The following RPS4X variants were observed in gnomAD, a reference collection of about 807,000 sequenced individuals.
RPS4X encodes the protein ribosomal protein S4 X-linked.
For missense variants in RPS4X, 90 were observed against 219.1 expected (o/e 0.41, Z 3.72); for synonymous variants, 76 against 76.8 (o/e 0.99, Z 0.06).
chrX:72,277,159 T>C, intron 1 of RPS4X, 34 bp downstream of exon 1: 1 of 1,208,599 alleles, frequency 8.3e-7, no homozygotes, highest in Non-Finnish European at 1.1e-6. Flanking sequence ...TGGAGGCGGA[T>C]ACGTCCTAAG....
At chrX:72,274,087 T>G in intron 4 of RPS4X, 115 bp from the exon 5 acceptor site, 2 of 649,007 alleles carry the variant, frequency 3.1e-6, no homozygotes, top group Non-Finnish European at 4.9e-6. Context: ...CTGATCGTTC[T>G]TTCCACCCTC....
intron 3 of RPS4X, among the ~76,000 whole-genome samples, 169 bp downstream of exon 3, chrX:72,275,375 G>A (rs373377116): frequency 4.5e-5 from 5 of 112,004 alleles, no homozygotes; most frequent in Non-Finnish European, 9.4e-5. Context: ...TTTGAAAAGC[G>A]TTTCATGATT....
intron 4 of RPS4X, 43 bp from the exon 5 acceptor site, chrX:72,274,015 T>G (rs111804543): frequency 0.045 from 51,581 of 1,147,007 alleles, 1,043 homozygotes; most frequent in Non-Finnish European, 0.053. Flanking sequence ...CCATCTCACA[T>G]GTACTTTTTA....
chrX:72,275,507 A>G, intron 3 of RPS4X, 37 bp downstream of exon 3: 1 of 1,065,858 alleles, frequency 9.4e-7, no homozygotes, highest in Non-Finnish European at 1.3e-6. Context: ...TAGGGCTGCC[A>G]TCAATATGCG....
At position 72,275,064 on chromosome X, in the gene RPS4X, C is replaced by G. The variant is rs2043196675; in HGVS notation, c.349G>C (p.Glu117Gln). ...CTTGCCACACTCACCTTGGCCTCCT[C>G]AGGTGTAATACGATGTACAGCAAAG... ...GRFAVHRITPEEAKYKLCKVR... is the reference protein window; with the variant it reads ...GRFAVHRITPQEAKYKLCKVR... The change falls in exon 4 of 7, where the codon GAG becomes CAG. Residue 117 changes from glutamate to glutamine, a missense_variant. Coordinates refer to ENST00000316084, the MANE Select transcript of RPS4X (RefSeq NM_001007.5). 1.3e-5 allele frequency: 16 copies of G among 1,203,537 alleles called. No homozygotes were observed. Among genetic ancestry groups the G allele is most frequent in the Middle Eastern group, 2.3e-4 (1 of 4,334 alleles).
At chrX:72,274,808 A>G (rs899301900) in intron 4 of RPS4X, 9 of 335,246 alleles carry the variant, frequency 2.7e-5, no homozygotes, top group Non-Finnish European at 4.2e-5. Flanking sequence ...GAGGAAGTTA[A>G]CTTCAAATGG....
At chrX:72,276,512 T>G (rs944503241) in intron 1 of RPS4X, among the ~76,000 whole-genome samples, 6 of 112,308 alleles carry the variant, frequency 5.3e-5, no homozygotes, top group Non-Finnish European at 1.1e-4. Flanking sequence ...CTAAAGTGTT[T>G]CCATGTTACT....
At chrX:72,273,205 C>CT (rs1377683389) in intron 6 of RPS4X, 27 bp downstream of exon 6, 3 of 1,185,314 alleles carry the variant, frequency 2.5e-6, no homozygotes, top group Non-Finnish European at 3.4e-6. Context: ...TTTCCTCAGA[C>CT]TAGAGAGAAG....
At position 72,276,237 on chromosome X, in the gene RPS4X, G is replaced by A; in HGVS notation, c.4-3C>T. The A allele has an allele frequency of 8.3e-7, 1 of 1,198,780 alleles. No homozygotes were observed. Among genetic ancestry groups the A allele is most frequent in the Non-Finnish European group, 1.1e-6 (1 of 884,504 alleles). On this transcript the variant is annotated splice_polypyrimidine_tract_variant and splice_region_variant and intron_variant, in intron 1 of 6. Coordinates refer to ENST00000316084, the MANE Select transcript of RPS4X (RefSeq NM_001007.5). ...AGATGCTTCTTGGGACCACGAGCCT[G>A]AAAGTTTTAGATTGCAATGCTGTTA...
In RPS4X at chrX:72,273,410, T is replaced by C. The variant is rs1428082066; in HGVS notation, c.533-21A>G. ...GTTACCTAGGCAGGAAGAAATAATC[T>C]GCTTCAACTCAATATAACAAATGAC... On this transcript the variant is annotated intron_variant, in intron 5 of 6. Transcript: ENST00000316084. The C allele has an allele frequency of 2.6e-6, 3 of 1,166,270 alleles. No homozygotes were observed. In the African/African-American group the frequency reaches 5.4e-5, roughly 21 times the overall value.
intron 1 of RPS4X, 144 bp from the exon 2 acceptor site, chrX:72,276,378 A>T: frequency 6.6e-6 from 3 of 455,418 alleles, no homozygotes; most frequent in Non-Finnish European, 1.1e-5. Context: ...AACAGAAACA[A>T]ACACAGTTAT....
rs948040445 is a variant in RPS4X at position 72,273,702 on chromosome X, T to C, written c.532+99A>G. 21 of 693,898 alleles carry C rather than the reference T, an allele frequency of 3.0e-5. No homozygotes were observed. The East Asian group carries it at 4.1e-4, about 13-fold the overall frequency. 57.2% of individuals were successfully genotyped at this position (693,898 alleles called of 1,213,427 possible). A position where few individuals can be genotyped will look rare whatever the true frequency, so the allele number is the denominator to read the frequency against. ...TCTGGCTATAAACACACCTGGGCGA[T>C]TGGAGCAGATGGTTTTTAATAAAGA... On this transcript the variant is annotated intron_variant, in intron 5 of 6. Coordinates refer to ENST00000316084, the MANE Select transcript of RPS4X (RefSeq NM_001007.5).
At position 72,275,038 on chromosome X, in the gene RPS4X, G is replaced by C. The variant is rs1343682530; in HGVS notation, c.360+15C>G. On this transcript the variant is annotated intron_variant, in intron 4 of 6. Coordinates refer to ENST00000316084, the MANE Select transcript of RPS4X (RefSeq NM_001007.5). ...ACTATACTGAGTAAAGACCCAGCTTGCTTGCCACACTCACCTTGGCCTCCT... is the reference window on the plus strand; with the variant it reads ...ACTATACTGAGTAAAGACCCAGCTTCCTTGCCACACTCACCTTGGCCTCCT... The C allele has an allele frequency of 5.2e-6, 6 of 1,142,881 alleles. No homozygotes were observed. Among genetic ancestry groups the C allele is most frequent in the Non-Finnish European group, 7.2e-6 (6 of 833,385 alleles). The allele number at this position is 1,142,881 out of a possible 1,213,427, so 94.2% of individuals were successfully genotyped here.
At position 72,272,405 on chromosome X, in the gene RPS4X, G is replaced by A. The variant is rs186492391; in HGVS notation, c.*266C>T. ...TCAAGGCGGGGGAGATAAATACTCC[G>A]GGATTTCTTGGCTCTTTCTACTCCT... On this transcript the variant is annotated 3_prime_UTR_variant, in exon 7 of 7. Coordinates refer to ENST00000316084, the MANE Select transcript of RPS4X (RefSeq NM_001007.5). The A allele has an allele frequency of 4.4e-5, 13 of 298,174 alleles. No individual in the cohort carries two copies. Among genetic ancestry groups the A allele is most frequent in the Middle Eastern group, 9.6e-4 (1 of 1,039 alleles). The allele number at this position is 298,174 out of a possible 1,213,427, so 24.6% of individuals were successfully genotyped here.
Position 72,273,882 on chromosome X carries a change from C to A in RPS4X, c.451G>T (p.Asp151Tyr). 1 of 1,204,587 alleles carries A rather than the reference C, an allele frequency of 8.3e-7. No homozygotes were observed. Among genetic ancestry groups the A allele is most frequent in the Non-Finnish European group, 1.1e-6 (1 of 889,600 alleles). Residue 151 changes from aspartate to tyrosine, a missense_variant, in exon 5 of 7, where the codon GAT becomes TAT. By Grantham distance (160) the Asp-to-Tyr change is radical (BLOSUM62 -3). Coordinates refer to ENST00000316084, the MANE Select transcript of RPS4X (RefSeq NM_001007.5). ...THDARTIRYP[D>Y]PLIKVNDTIQ... is the part of the protein sequence containing the mutation. ...GTATCATTCACCTTGATGAGGGGAT[C>A]GGGGTAGCGGATGGTGCGGGCATCA...
Position 72,275,482 on chromosome X carries a change from A to G in RPS4X, c.262+62T>C. On this transcript the variant is annotated intron_variant, in intron 3 of 6. Coordinates refer to ENST00000316084, the MANE Select transcript of RPS4X (RefSeq NM_001007.5). The stretch of plus-strand genomic sequence containing the variant: ...CAAAGGTTAGAAAAATGATCAAGAC[A>G]GTATTTGGATACCATAGGGCTGCCA... The G allele has an allele frequency of 7.8e-6, 7 of 897,964 alleles. No homozygotes were observed. The South Asian group carries it at 1.5e-4, about 20-fold the overall frequency. The allele number at this position is 897,964 out of a possible 1,213,427, so 74.0% of individuals were successfully genotyped here.
chrX:72,275,731 C>T lies in RPS4X; in HGVS notation c.82-7G>A, dbSNP rs369740837. 5.6e-5 allele frequency: 66 copies of T among 1,176,974 alleles called. No individual in the cohort carries two copies. The highest frequency in any genetic ancestry group is 4.6e-4 in the Middle Eastern group (2 of 4,307). ...CGGTGGATGGACGAGGAGCCTGTAACGTTAAAAATGATAATCACTGTTGGG... is the reference window on the plus strand; with the variant it reads ...CGGTGGATGGACGAGGAGCCTGTAATGTTAAAAATGATAATCACTGTTGGG... On this transcript the variant is annotated splice_polypyrimidine_tract_variant and splice_region_variant and intron_variant, in intron 2 of 6. Transcript: ENST00000316084.
Position 72,273,294 on chromosome X carries a change from C to T in RPS4X, c.628G>A (p.Val210Met). ...AAGCTGTTGCCATTGGCATCTTTCA[C>T]GTGAACCACGTCAAAAGATCCAGGG... ...RHPGSFDVVHVKDANGNSFAT... is the reference protein window; with the variant it reads ...RHPGSFDVVHMKDANGNSFAT... The change falls in exon 6 of 7, where the codon GTG becomes ATG. Residue 210 changes from valine (V) to methionine (M), a missense_variant. Val to Met is a conservative substitution (Grantham distance 21). Transcript: ENST00000316084. The T allele has an allele frequency of 2.5e-6, 3 of 1,210,629 alleles. No homozygotes were observed. The highest frequency in any genetic ancestry group is 3.4e-6 in the Non-Finnish European group (3 of 894,620).
chrX:72,276,231 G>T lies in RPS4X; in HGVS notation c.7C>A (p.Arg3Ser). ...CGCTTCAGATGCTTCTTGGGACCAC[G>T]AGCCTGAAAGTTTTAGATTGCAATG... MA[R>S]GPKKHLKRVA... The change falls in exon 2 of 7, where the codon CGT becomes AGT. Residue 3 changes from arginine to serine, a missense_variant. Transcript: ENST00000316084. 8.3e-7 allele frequency: 1 copy of T among 1,206,140 alleles called. No individual in the cohort carries two copies. The highest frequency in any genetic ancestry group is 1.1e-6 in the Non-Finnish European group (1 of 891,095).
Sources: gnomAD v4.1 joint callset for allele counts (sites outside exome capture counted in the v4.1 genomes callset) on GRCh38, gnomAD v4.1.1 for gene constraint, MANE v1.5 for transcripts, NCBI Gene and HGNC (gene_info 2026-07-23, HGNC 2026-07-21) for gene names.